KCNC2: variants seen among roughly 807,000 people sequenced by gnomAD.
KCNC2 encodes the protein potassium voltage-gated channel subfamily C member 2.
A neutral mutation model predicts 44.5 loss-of-function variants in KCNC2; 21 were observed. The ratio of observed to expected loss-of-function variants is 0.47; its 90% CI spans 0.33 to 0.68. The LOEUF (loss-of-function observed/expected upper bound fraction) is 0.68. Among genes scored for constraint, KCNC2 ranks in the 30% least tolerant of loss-of-function variants. The probability of loss-of-function intolerance (pLI) is 0.01; values close to 1 mark genes in which losing one functional copy is unlikely to be tolerated. For missense variants in KCNC2, 589 were observed against 826.2 expected (o/e 0.71, Z 3.52); for synonymous variants, 391 against 339.1 (o/e 1.15, Z -1.68).
chr12:75,198,649 G>A (rs1185053534), intron 2 of KCNC2, among the ~76,000 whole-genome samples: 2 of 151,752 alleles, frequency 1.3e-5, no homozygotes, highest in African/African-American at 4.8e-5. Context: ...TTACTGCAAT[G>A]ATTATTATGC....
rs906129420 is a variant in KCNC2 at position 75,084,244 on chromosome 12, T to C, written c.688-32927A>G. Among the ~76,000 whole-genome samples, 8 of 111,596 alleles carry C rather than the reference T, an allele frequency of 7.2e-5. No homozygotes were observed. The East Asian group carries it at 7.6e-4, about 11-fold the overall frequency. 73.2% of individuals were successfully genotyped at this position (111,596 alleles called of 152,430 possible). Reference sequence around the variant, plus strand: ...TTGATGATAGATATAGATAGATAGATAGATGATGATGATAGATAGATAGAT... The same window carrying C: ...TTGATGATAGATATAGATAGATAGACAGATGATGATGATAGATAGATAGAT... On this transcript the variant is annotated intron_variant, in intron 2 of 4. Coordinates refer to ENST00000549446, the MANE Select transcript of KCNC2 (RefSeq NM_139137.4).
In KCNC2 at chr12:75,102,816, C is replaced by G. The variant is rs559410626; in HGVS notation, c.688-51499G>C. Among the ~76,000 whole-genome samples the G allele has an allele frequency of 3.9e-5, 6 of 152,126 alleles. No individual in the cohort carries two copies. In the East Asian group the frequency reaches 7.7e-4, roughly 20 times the overall value. On this transcript the variant is annotated intron_variant, in intron 2 of 4. Coordinates refer to ENST00000549446, the MANE Select transcript of KCNC2 (RefSeq NM_139137.4). ...CTGCCCATAGAATACATCTCCCCCC[C>G]ACCCACACGTTTATTAATAATAGAG...
intron 2 of KCNC2, among the ~76,000 whole-genome samples, chr12:75,161,199 CAAT>C (rs1342162480): frequency 6.6e-6 from 1 of 151,350 alleles, no homozygotes; most frequent in Non-Finnish European, 1.5e-5. Context: ...GTCATGAAAG[CAAT>C]AATAATTATT....
intron 2 of KCNC2, among the ~76,000 whole-genome samples, chr12:75,084,960 T>C (rs2137099737): frequency 6.6e-6 from 1 of 150,882 alleles, no homozygotes; most frequent in Non-Finnish European, 1.5e-5. Flanking sequence ...AATCCATCTA[T>C]CTATCCAAAG....
intron 2 of KCNC2, among the ~76,000 whole-genome samples, chr12:75,190,621 A>G (rs1281334267): frequency 6.6e-6 from 1 of 152,242 alleles, no homozygotes; most frequent in Non-Finnish European, 1.5e-5. Flanking sequence ...TAACTTTCTT[A>G]TGTGAATACA....
At chr12:75,087,283 T>C (rs1486763912) in intron 2 of KCNC2, among the ~76,000 whole-genome samples, 1 of 152,136 alleles carries the variant, frequency 6.6e-6, no homozygotes, top group African/African-American at 2.4e-5. Context: ...AAAGCAGTTA[T>C]GATGAGGATA....
intron 2 of KCNC2, among the ~76,000 whole-genome samples, chr12:75,103,741 T>G (rs1270842066): frequency 6.6e-6 from 1 of 152,174 alleles, no homozygotes; most frequent in Admixed American, 6.6e-5. Flanking sequence ...TAACCCTATA[T>G]ACACTTTTTT....
intron 4 of KCNC2, among the ~76,000 whole-genome samples, chr12:75,045,096 C>G (rs576890950): frequency 8.6e-5 from 13 of 151,972 alleles, no homozygotes; most frequent in African/African-American, 3.1e-4. Flanking sequence ...GACTGTATAA[C>G]CTAAAAACGT....
intron 2 of KCNC2, among the ~76,000 whole-genome samples, chr12:75,161,512 A>T (rs1223206929): frequency 6.6e-6 from 1 of 151,750 alleles, no homozygotes. Context: ...CTAAAGTTTT[A>T]ACAACATGAA....
chr12:75,140,158 A>AC (rs1167066753), intron 2 of KCNC2: 3 of 152,112 alleles, frequency 2.0e-5, no homozygotes, highest in Non-Finnish European at 4.4e-5. Flanking sequence ...ACATGTCTGG[A>AC]CTTTTTTTTC....
chr12:75,060,971 TCA>T (rs1206423317), intron 2 of KCNC2, among the ~76,000 whole-genome samples: 1 of 152,162 alleles, frequency 6.6e-6, no homozygotes, highest in Non-Finnish European at 1.5e-5. Context: ...AACTCAGTAA[TCA>T]CACAGTCTTT....
In KCNC2 at chr12:75,050,651, G is replaced by A. The variant is rs1454385244; in HGVS notation, c.1354C>T (p.Leu452=). ...DMYPQTWSGM[L]VGALCALAGV... ...GCCAGAGCACACAGGGCTCCCACCA[G>A]CATGCCTGACCATGTTTGGGGGTAC... Residue 452 remains leucine (L), a synonymous_variant, in exon 3 of 5, where the codon CTG becomes TTG. Transcript: ENST00000549446. The A allele has an allele frequency of 1.2e-6, 2 of 1,613,348 alleles. No individual in the cohort carries two copies. Among genetic ancestry groups the A allele is most frequent in the Non-Finnish European group, 1.7e-6 (2 of 1,179,792 alleles).
At chr12:75,182,547 C>CAA (rs566786640) in intron 2 of KCNC2, among the ~76,000 whole-genome samples, 10,723 of 133,246 alleles carry the variant, frequency 0.08, 450 homozygotes, top group Admixed American at 0.14. Flanking sequence ...ACAAAAAAAA[C>CAA]AAAAAAAAAC....
At chr12:75,165,496 AT>A (rs1353414857) in intron 2 of KCNC2, among the ~76,000 whole-genome samples, 1 of 151,512 alleles carries the variant, frequency 6.6e-6, no homozygotes, top group East Asian at 1.9e-4. Flanking sequence ...GTGAATTGTA[AT>A]TGTGTATAGA....
intron 2 of KCNC2, among the ~76,000 whole-genome samples, chr12:75,084,298 A>AGATAGATAGAT (rs1884793095): frequency 4.9e-5 from 7 of 144,322 alleles, no homozygotes; most frequent in African/African-American, 1.6e-4. Flanking sequence ...GATGATAGAT[A>AGATAGATAGAT]GATAGATAGA....
At chr12:75,071,432 A>G (rs1188070084) in intron 2 of KCNC2, among the ~76,000 whole-genome samples, 1 of 152,192 alleles carries the variant, frequency 6.6e-6, no homozygotes, top group Non-Finnish European at 1.5e-5. Flanking sequence ...AGGAAACCCA[A>G]CACATTATTT....
intron 2 of KCNC2, among the ~76,000 whole-genome samples, chr12:75,079,745 C>G (rs1420780768): frequency 6.6e-6 from 1 of 152,078 alleles, no homozygotes; most frequent in Non-Finnish European, 1.5e-5. Flanking sequence ...GTTTTTAGCT[C>G]TTAATTAGGG....
chr12:75,047,411 T>C (rs1380552736), intron 4 of KCNC2, among the ~76,000 whole-genome samples: 2 of 152,096 alleles, frequency 1.3e-5, no homozygotes, highest in African/African-American at 4.8e-5. Flanking sequence ...AATATTCTGT[T>C]ATACTCTTTA....
chr12:75,060,543 G>A (rs1458356177), intron 2 of KCNC2, among the ~76,000 whole-genome samples: 1 of 151,996 alleles, frequency 6.6e-6, no homozygotes. Flanking sequence ...ACGGGTCATT[G>A]CAGCCTTGAT....
Sources: allele counts gnomAD v4.1 joint callset (sites outside exome capture counted in the v4.1 genomes callset), GRCh38; gene constraint gnomAD v4.1.1; transcripts MANE v1.5; gene names NCBI Gene and HGNC (gene_info 2026-07-23, HGNC 2026-07-21).